SLC12A5: variants seen among roughly 807,000 people sequenced by gnomAD.
The protein encoded by SLC12A5 is solute carrier family 12 member 5.
A neutral mutation model predicts 124.0 loss-of-function variants in SLC12A5; 18 were observed. That is an observed-to-expected ratio of 0.15 (90% CI 0.10 to 0.22). The LOEUF is 0.22. Ranked by LOEUF, SLC12A5 falls within the 10% of genes least tolerant of loss-of-function variation. SLC12A5 has a pLI of 1.00. For synonymous variants in SLC12A5, 589 were observed against 568.0 expected, an observed-to-expected ratio of 1.04 and a Z score of -0.53; for missense variants, 867 against 1,478.7, an observed-to-expected ratio of 0.59 and a Z score of 6.78.
rs2084729582 is a variant in SLC12A5, at chr20:46,059,315, C to G, written c.*1710C>G. 1 of 359,354 alleles carries G rather than the reference C, an allele frequency of 2.8e-6. No homozygotes were observed. Among genetic ancestry groups the G allele is most frequent in the South Asian group, 1.5e-4 (1 of 6,704 alleles). 22.3% of individuals were successfully genotyped at this position (359,354 alleles called of 1,614,324 possible). On this transcript the variant is annotated 3_prime_UTR_variant, in exon 26 of 26. Coordinates refer to ENST00000243964, the MANE Select transcript of SLC12A5 (RefSeq NM_020708.5). ...AGAGCTGGAGCTGGCGCCACCCAGA[C>G]AGCGTCAGGTGTGGCTGGGGTAGGT...
In SLC12A5 at chr20:46,053,491, G is replaced by A; in HGVS notation, c.2548-87G>A. 6.4e-7 allele frequency: 1 copy of A among 1,561,248 alleles called. No homozygotes were observed. The highest frequency in any genetic ancestry group is 1.1e-5 in the South Asian group (1 of 87,672). On this transcript the variant is annotated intron_variant, in intron 19 of 25. Coordinates refer to ENST00000243964, the MANE Select transcript of SLC12A5 (RefSeq NM_020708.5). The surrounding 1 kb of genome is among the most constrained non-coding windows in gnomAD (Gnocchi z 4.7). ...TATGTGTGAGGAGTGGGTGGGAAGA[G>A]GGGAAGGGTGAGCGGACAGGGCCTG...
At chr20:46,048,879 G>A (rs201651635) in intron 16 of SLC12A5, among the ~76,000 whole-genome samples, 3 of 103,844 alleles carry the variant, frequency 2.9e-5, no homozygotes, top group Admixed American at 9.3e-5. Flanking sequence ...AAAAAAAAAA[G>A]GGGGAAATTG....
At chr20:46,022,044 A>C in intron 1 of SLC12A5, 13 of 862,962 alleles carry the variant, frequency 1.5e-5, no homozygotes, top group Non-Finnish European at 1.7e-5. Context: ...CTAGGAAACC[A>C]AGGGGCCGGG....
At chr20:46,036,033 C>T (rs997658339) in intron 4 of SLC12A5, 110 bp downstream of exon 4, 5 of 1,321,322 alleles carry the variant, frequency 3.8e-6, no homozygotes, top group Admixed American at 5.3e-5. Context: ...TTATAGGAAC[C>T]ACTGCTTATG....
At chr20:46,036,277 G>A (rs766747149) in intron 4 of SLC12A5, 10 of 263,886 alleles carry the variant, frequency 3.8e-5, no homozygotes, top group Non-Finnish European at 5.1e-5. Context: ...GTCACAAACA[G>A]CATTGTAACC....
In SLC12A5 at chr20:46,058,244, G is replaced by A; in HGVS notation, c.*639G>A. On this transcript the variant is annotated 3_prime_UTR_variant, in exon 26 of 26. Transcript: ENST00000243964. The surrounding 1 kb of genome is among the most constrained non-coding windows in gnomAD (Gnocchi z 5.8). ...GGCACTGCGGGGAGGCGAGGCCTCG[G>A]GAAGCTGAATTTTCCTTGACGTCCA... 1 of 386,768 alleles carries A rather than the reference G, an allele frequency of 2.6e-6. No individual in the cohort carries two copies. The allele number at this position is 386,768 out of a possible 1,614,324, so 24.0% of individuals were successfully genotyped here.
At chr20:46,035,217 C>T (rs1422710874) in intron 2 of SLC12A5, 175 bp downstream of exon 2, 9 of 978,280 alleles carry the variant, frequency 9.2e-6, no homozygotes, top group East Asian at 2.4e-5. Flanking sequence ...ACTCCCTCTG[C>T]TCCCTGCCCT....
intron 21 of SLC12A5, 125 bp downstream of exon 21, chr20:46,055,148 C>A: frequency 1.4e-6 from 1 of 689,868 alleles, no homozygotes; most frequent in Non-Finnish European, 2.6e-6. Flanking sequence ...CTGATTCCCC[C>A]AACCACACCT....
intron 8 of SLC12A5, 59 bp downstream of exon 8, chr20:46,041,599 G>A (rs745405129): frequency 1.3e-5 from 20 of 1,582,942 alleles, no homozygotes; most frequent in African/African-American, 4.0e-5. Flanking sequence ...TAGGTTAAGC[G>A]GTCAGGATTA....
At chr20:46,023,067 C>T (rs1298682371) in exon 2 of SLC12A5, 2 of 400,836 alleles carry the variant, frequency 5.0e-6, no homozygotes, top group African/African-American at 4.1e-5. Flanking sequence ...GCTGCCGAGC[C>T]GCAGGTGAGC....
chr20:46,036,672 G>T (rs562954904), intron 4 of SLC12A5, 69 bp from the exon 5 acceptor site: 22 of 1,565,734 alleles, frequency 1.4e-5, no homozygotes, highest in East Asian at 9.0e-5. Context: ...GGGGTATAAG[G>T]CTTGGCCCCC....
intron 8 of SLC12A5, 122 bp downstream of exon 8, chr20:46,041,662 A>G: frequency 2.1e-6 from 2 of 955,586 alleles, no homozygotes; most frequent in South Asian, 3.1e-5. Flanking sequence ...TTGAGCACCT[A>G]CTCTGAGTTA....
intron 4 of SLC12A5, 76 bp downstream of exon 4, chr20:46,035,999 A>T: frequency 6.6e-7 from 1 of 1,518,690 alleles, no homozygotes; most frequent in Non-Finnish European, 8.9e-7. Context: ...AGGTGGGAGG[A>T]TGGAAGCATG....
chr20:46,024,544 C>T (rs1478001358), upstream of SLC12A5, among the ~76,000 whole-genome samples: 1 of 152,166 alleles, frequency 6.6e-6, no homozygotes, highest in African/African-American at 2.4e-5. Flanking sequence ...CTTGTCTTCA[C>T]CCAAAGGGAG....
At chr20:46,048,487 G>A (rs1284867215) in intron 16 of SLC12A5, among the ~76,000 whole-genome samples, 1 of 152,188 alleles carries the variant, frequency 6.6e-6, no homozygotes, top group Non-Finnish European at 1.5e-5. Flanking sequence ...TGTAGCATTT[G>A]CTCTGAGACA....
At position 46,045,021 on chromosome 20, in the gene SLC12A5, C is replaced by G; in HGVS notation, c.1450C>G (p.Pro484Ala). The G allele has an allele frequency of 6.2e-7, 1 of 1,614,208 alleles. No individual in the cohort carries two copies. The highest frequency in any genetic ancestry group is 8.5e-7 in the Non-Finnish European group (1 of 1,180,030). ...GGTGGGCACTCTGGCCTGGCCATCT[C>G]CATGGGTAATTGTCATCGGATCCTT... ...LVVGTLAWPSPWVIVIGSFFS... is the reference protein window; with the variant it reads ...LVVGTLAWPSAWVIVIGSFFS... The change falls in exon 12 of 26, where the codon CCA (proline) becomes GCA (alanine). Residue 484 changes from proline (P) to alanine (A), a missense_variant. Physicochemically the swap from Pro to Ala is conservative, Grantham distance 27. Around this residue, in one of 9 missense-constraint regions of SLC12A5, gnomAD observed 152 missense variants for 358.7 expected, o/e 0.42. Coordinates refer to ENST00000243964, the MANE Select transcript of SLC12A5 (RefSeq NM_020708.5). This position sits in a 1 kb window ranked among gnomAD's most constrained non-coding sequence, Gnocchi z 4.9.
chr20:46,049,601 G>A (rs1386262331), intron 16 of SLC12A5, 21 bp from the exon 17 acceptor site: 2 of 1,589,010 alleles, frequency 1.3e-6, no homozygotes, highest in African/African-American at 1.3e-5. Flanking sequence ...TATGGATTAT[G>A]TGACTCTGCA....
At chr20:46,052,557 A>G (rs1320811422) in intron 18 of SLC12A5, among the ~76,000 whole-genome samples, 1 of 152,210 alleles carries the variant, frequency 6.6e-6, no homozygotes, top group Admixed American at 6.5e-5. Flanking sequence ...CCAAGTCACA[A>G]AGTGGGGAGC....
intron 1 of SLC12A5, among the ~76,000 whole-genome samples, chr20:46,032,988 A>G (rs1325221522): frequency 1.3e-5 from 2 of 152,192 alleles, no homozygotes; most frequent in African/African-American, 2.4e-5. Flanking sequence ...ATGTGAGAAG[A>G]AAGAGCTGAC....
Sources: gnomAD v4.1 joint callset for allele counts (sites outside exome capture counted in the v4.1 genomes callset) on GRCh38, gnomAD v4.1.1 for gene constraint, gnomAD v4.1.1 regional missense constraint, Gnocchi (gnomAD v3.1) non-coding constraint, MANE v1.5 for transcripts, NCBI Gene and HGNC (gene_info 2026-07-23, HGNC 2026-07-21) for gene names.